RAD51B: variants seen among roughly 807,000 people sequenced by gnomAD.
RAD51B encodes DNA repair protein RAD51 homolog 2.
Under a neutral mutation model 42.2 loss-of-function variants are expected in RAD51B, and 38 were observed. The observed-to-expected ratio is 0.90, with a 90% confidence interval of 0.70 to 1.18. RAD51B has a LOEUF of 1.18. RAD51B is among the 50% of genes most tolerant of loss of function. RAD51B has a pLI of 0.00. For missense variants in RAD51B, 373 were observed against 400.7 expected (o/e 0.93, Z 0.59); for synonymous variants, 154 against 145.2 (o/e 1.06, Z -0.43).
At chr14:68,474,092 A>G (rs569039329) in intron 10 of RAD51B, among the ~76,000 whole-genome samples, 1 of 152,348 alleles carries the variant, frequency 6.6e-6, no homozygotes, top group East Asian at 1.9e-4. Flanking sequence ...GTGTGAATGT[A>G]CCACATGCTA....
Position 67,904,223 on chromosome 14 carries a change from C to T in RAD51B, c.756+17019C>T, listed in dbSNP as rs117743625. ...TAGTGCTGTGATGGACATATGTGTGCTTGTGTCTTTATGGTAGAATCCTTA... is the reference window on the plus strand; with the variant it reads ...TAGTGCTGTGATGGACATATGTGTGTTTGTGTCTTTATGGTAGAATCCTTA... On this transcript the variant is annotated intron_variant, in intron 7 of 10. Coordinates refer to ENST00000471583, the MANE Select transcript of RAD51B (RefSeq NM_133510.4). Among the ~76,000 whole-genome samples the T allele has an allele frequency of 5.7e-3, 860 of 152,010 alleles. 4 individuals carry two copies. Among genetic ancestry groups the T allele is most frequent in the South Asian group, 0.013 (65 of 4,830 alleles).
At chr14:68,534,699 G>GATATTAAT (rs1241867882) in intron 10 of RAD51B, among the ~76,000 whole-genome samples, 1 of 152,156 alleles carries the variant, frequency 6.6e-6, no homozygotes, top group Non-Finnish European at 1.5e-5. Context: ...TATTGGGTCA[G>GATATTAAT]ATATTAATAG....
At chr14:68,056,585 C>A (rs2076478893) in intron 7 of RAD51B, among the ~76,000 whole-genome samples, 1 of 151,682 alleles carries the variant, frequency 6.6e-6, no homozygotes, top group Non-Finnish European at 1.5e-5. Context: ...CCTGTCTCTA[C>A]TAAAATACAA....
At chr14:68,417,844 T>A (rs2084601166) in intron 9 of RAD51B, among the ~76,000 whole-genome samples, 1 of 152,250 alleles carries the variant, frequency 6.6e-6, no homozygotes, top group Admixed American at 6.5e-5. Flanking sequence ...TATTTCTGAA[T>A]GAGCTCAAGT....
At chr14:68,290,035 C>G (rs1221203107) in intron 7 of RAD51B, among the ~76,000 whole-genome samples, 1 of 152,232 alleles carries the variant, frequency 6.6e-6, no homozygotes. Context: ...GTCCCGGTCC[C>G]TCTCAGCCCT....
chr14:67,831,703 A>ATT (rs147190791), intron 3 of RAD51B, among the ~76,000 whole-genome samples: 47 of 147,156 alleles, frequency 3.2e-4, no homozygotes, highest in East Asian at 4.0e-4. Flanking sequence ...TGCCCAGCTA[A>ATT]TTTTTTTTTT....
intron 10 of RAD51B, among the ~76,000 whole-genome samples, chr14:68,503,133 T>G (rs755644320): frequency 1.8e-4 from 27 of 152,170 alleles, no homozygotes; most frequent in Non-Finnish European, 3.1e-4. Flanking sequence ...CAAAGCCACT[T>G]CCACTGTGTG....
At chr14:68,233,779 G>GA (rs1455325103) in intron 7 of RAD51B, among the ~76,000 whole-genome samples, 1 of 152,150 alleles carries the variant, frequency 6.6e-6, no homozygotes, top group Non-Finnish European at 1.5e-5. Context: ...ACAGCATGTG[G>GA]AAATGCAAAG....
At chr14:68,579,550 TA>T (rs1410025672) in intron 10 of RAD51B, among the ~76,000 whole-genome samples, 1 of 152,230 alleles carries the variant, frequency 6.6e-6, no homozygotes, top group South Asian at 2.1e-4. Flanking sequence ...TTTTTTAGTA[TA>T]AGTGTGTTTT....
At chr14:68,070,947 T>C (rs1343890140) in intron 7 of RAD51B, among the ~76,000 whole-genome samples, 2 of 152,224 alleles carry the variant, frequency 1.3e-5, no homozygotes, top group African/African-American at 4.8e-5. Context: ...TTGTGTCATC[T>C]CTGATTTCTC....
At chr14:68,629,043 C>G (rs1203626987) in intron 10 of RAD51B, among the ~76,000 whole-genome samples, 2 of 152,300 alleles carry the variant, frequency 1.3e-5, no homozygotes, top group South Asian at 4.1e-4. Flanking sequence ...GAGACGGCTG[C>G]AGGAAGGCCA....
At chr14:68,450,007 A>G (rs1437667914) in intron 9 of RAD51B, among the ~76,000 whole-genome samples, 3 of 152,108 alleles carry the variant, frequency 2.0e-5, no homozygotes, top group Non-Finnish European at 2.9e-5. Flanking sequence ...AAAGGAGGGG[A>G]AAAAACGGAA....
intron 7 of RAD51B, among the ~76,000 whole-genome samples, chr14:67,940,015 G>T (rs1595138299): frequency 1.7e-5 from 1 of 57,980 alleles, no homozygotes; most frequent in Non-Finnish European, 3.2e-5. Flanking sequence ...TGTAACATTT[G>T]ATAGATGCAT....
chr14:68,494,731 G>A (rs1340324306), intron 10 of RAD51B, among the ~76,000 whole-genome samples: 9 of 151,982 alleles, frequency 5.9e-5, no homozygotes, highest in East Asian at 5.8e-4. Flanking sequence ...ATTTTCCCTC[G>A]GACTATAGCC....
At chr14:68,172,441 A>G (rs912243376) in intron 7 of RAD51B, among the ~76,000 whole-genome samples, 3 of 152,214 alleles carry the variant, frequency 2.0e-5, no homozygotes, top group African/African-American at 7.2e-5. Flanking sequence ...TAAGAAGGTT[A>G]GCTAGATTAA....
chr14:68,414,169 C>A (rs1286903290), intron 9 of RAD51B, among the ~76,000 whole-genome samples: 1 of 152,130 alleles, frequency 6.6e-6, no homozygotes, highest in Non-Finnish European at 1.5e-5. Flanking sequence ...TCCTCCCTGG[C>A]TGATTATTTT....
intron 10 of RAD51B, chr14:68,540,522 A>T: frequency 1.0e-6 from 1 of 984,266 alleles, no homozygotes; most frequent in Non-Finnish European, 1.2e-6. Context: ...TCTAGGTAAC[A>T]TGTACTACTA....
At chr14:68,507,579 C>T (rs1209696376) in intron 10 of RAD51B, among the ~76,000 whole-genome samples, 1 of 152,170 alleles carries the variant, frequency 6.6e-6, no homozygotes, top group Admixed American at 6.5e-5. Context: ...TGAGAAGAAA[C>T]TGCACTCTCT....
intron 7 of RAD51B, among the ~76,000 whole-genome samples, chr14:68,062,219 C>T (rs1056225684): frequency 6.6e-6 from 1 of 152,080 alleles, no homozygotes; most frequent in Non-Finnish European, 1.5e-5. Context: ...TATGTTGAAC[C>T]ATTCTTGCAT....
Sources: gnomAD v4.1 joint callset for allele counts (sites outside exome capture counted in the v4.1 genomes callset) on GRCh38, gnomAD v4.1.1 for gene constraint, MANE v1.5 for transcripts, NCBI Gene and HGNC (gene_info 2026-07-23, HGNC 2026-07-21) for gene names.